The following WDR82 variants were observed in gnomAD, a reference collection of about 807,000 sequenced individuals.
WDR82 encodes the protein WD repeat domain 82, also known as WD repeat-containing protein 82.
In WDR82, 8 loss-of-function variants were observed where a neutral mutation model predicts 36.1. The observed-to-expected ratio is 0.22, with a 90% CI of 0.13 to 0.40. WDR82 has a LOEUF of 0.40. Ranked by LOEUF, WDR82 falls within the 10% of genes least tolerant of loss-of-function variation. WDR82 has a pLI of 1.00. For synonymous variants in WDR82, 129 were observed against 137.8 expected, an observed-to-expected ratio of 0.94 and a Z score of 0.45; for missense variants, 185 against 400.5, an observed-to-expected ratio of 0.46 and a Z score of 4.59.
chr3:52,274,832 C>G (rs1559456766), intron 1 of WDR82, among the ~76,000 whole-genome samples: 1 of 150,946 alleles, frequency 6.6e-6, no homozygotes, highest in East Asian at 2.0e-4. Flanking sequence ...AATCCAGCAG[C>G]GAGGTTGCAG....
At chr3:52,265,281 C>G in intron 3 of WDR82, among the ~76,000 whole-genome samples, 1 of 112,318 alleles carries the variant, frequency 8.9e-6, no homozygotes, top group African/African-American at 3.5e-5. Context: ...GCCTGGGCGA[C>G]AGAGCGAGAC....
chr3:52,268,314 C>T (rs1008105194), intron 2 of WDR82: 2 of 472,148 alleles, frequency 4.2e-6, no homozygotes, highest in Non-Finnish European at 4.4e-6. Flanking sequence ...TCTCCTGTAC[C>T]GGGTGGTATC....
intron 3 of WDR82, among the ~76,000 whole-genome samples, chr3:52,264,155 T>C (rs13093555): frequency 0.036 from 5,434 of 152,006 alleles, 142 homozygotes; most frequent in Non-Finnish European, 0.049. Context: ...CCGGTGAGCC[T>C]CCATCTCAAA....
Position 52,257,278 on chromosome 3 carries a change from T to C in WDR82, c.*212A>G, listed in dbSNP as rs1187333662. 14 of 626,778 alleles carry C rather than the reference T, an allele frequency of 2.2e-5. No individual in the cohort carries two copies. The highest frequency in any genetic ancestry group is 9.2e-5 in the African/African-American group (5 of 54,150). The allele number at this position is 626,778 out of a possible 1,614,324, so 38.8% of individuals were successfully genotyped here. A position where few individuals can be genotyped will look rare whatever the true frequency, so the allele number is the denominator to read the frequency against. ...GACAGTTAGAAAAGCTGAGTTCCAATTGAGTCTGTTGCACCAAGAGTCCTT... is the reference window on the plus strand; with the variant it reads ...GACAGTTAGAAAAGCTGAGTTCCAACTGAGTCTGTTGCACCAAGAGTCCTT... On this transcript the variant is annotated 3_prime_UTR_variant, in exon 9 of 9. Coordinates refer to ENST00000296490, the MANE Select transcript of WDR82 (RefSeq NM_025222.4).
chr3:52,260,329 C>CA (rs1437509489), intron 5 of WDR82, 56 bp downstream of exon 5: 1 of 1,378,090 alleles, frequency 7.3e-7, no homozygotes, highest in Non-Finnish European at 9.7e-7. Context: ...AACTCTGTCT[C>CA]AAAAACAAAA....
chr3:52,257,195 G>T lies in WDR82; in HGVS notation c.*295C>A, dbSNP rs1700016942. The stretch of plus-strand genomic sequence containing the variant: ...GTACATTCAAATTGAAGATGCTTGA[G>T]AGCCCCACTATACCAAATCGTGAGT... On this transcript the variant is annotated 3_prime_UTR_variant, in exon 9 of 9. Transcript: ENST00000296490. 1 of 453,026 alleles carries T rather than the reference G, an allele frequency of 2.2e-6. No individual in the cohort carries two copies. The highest frequency in any genetic ancestry group is 3.0e-5 in the South Asian group (1 of 33,494). 28.1% of individuals were successfully genotyped at this position (453,026 alleles called of 1,614,324 possible). A position where few individuals can be genotyped will look rare whatever the true frequency, so the allele number is the denominator to read the frequency against.
At chr3:52,260,662 A>G (rs572259750) in intron 4 of WDR82, among the ~76,000 whole-genome samples, 161 bp from the exon 5 acceptor site, 117 of 152,352 alleles carry the variant, frequency 7.7e-4, no homozygotes, top group African/African-American at 2.7e-3. Flanking sequence ...GCATACAAAC[A>G]AATATCAGCC....
At chr3:52,275,485 T>C (rs1195540783) in intron 1 of WDR82, among the ~76,000 whole-genome samples, 2 of 152,226 alleles carry the variant, frequency 1.3e-5, no homozygotes, top group African/African-American at 4.8e-5. Context: ...TTACAATTAA[T>C]TGATCAGAGA....
chr3:52,277,065 A>AAAT (rs71084177), intron 1 of WDR82, among the ~76,000 whole-genome samples: 23,246 of 140,852 alleles, frequency 0.17, 2,069 homozygotes, highest in African/African-American at 0.23. Context: ...CCAAGATCTC[A>AAAT]AATAATAATA....
At chr3:52,258,192 A>G (rs866484793) in intron 8 of WDR82, among the ~76,000 whole-genome samples, 1 of 152,224 alleles carries the variant, frequency 6.6e-6, no homozygotes, top group Non-Finnish European at 1.5e-5. Context: ...TGAAACCACA[A>G]AAGGCCGGTT....
chr3:52,273,099 A>G (rs2107342231), intron 1 of WDR82, among the ~76,000 whole-genome samples: 1 of 152,290 alleles, frequency 6.6e-6, no homozygotes, highest in East Asian at 1.9e-4. Context: ...CCAGTGGAAG[A>G]AGTTTATATC....
chr3:52,269,700 A>C (rs988399182), intron 2 of WDR82, among the ~76,000 whole-genome samples: 15 of 152,224 alleles, frequency 9.9e-5, no homozygotes, highest in Non-Finnish European at 2.2e-4. Flanking sequence ...ACTGCACTCC[A>C]GCCTAGGCAA....
intron 4 of WDR82, among the ~76,000 whole-genome samples, chr3:52,260,728 CAG>C (rs1354442401): frequency 6.6e-6 from 1 of 152,204 alleles, no homozygotes; most frequent in African/African-American, 2.4e-5. Context: ...TTTTAAAAAA[CAG>C]GTCTCCAGAC....
intron 1 of WDR82, 193 bp downstream of exon 1, chr3:52,278,008 C>A (rs1013490121): frequency 2.2e-6 from 1 of 449,192 alleles, no homozygotes; most frequent in South Asian, 4.5e-5. Flanking sequence ...TTATGACTAT[C>A]GTTATCTTTT....
intron 1 of WDR82, among the ~76,000 whole-genome samples, chr3:52,275,343 G>C (rs1276239159): frequency 1.3e-5 from 2 of 152,156 alleles, no homozygotes; most frequent in African/African-American, 2.4e-5. Context: ...GCCTAGAATG[G>C]AAACTAAAGA....
chr3:52,265,884 G>C (rs1700102133), intron 3 of WDR82, among the ~76,000 whole-genome samples: 1 of 152,190 alleles, frequency 6.6e-6, no homozygotes, highest in South Asian at 2.1e-4. Context: ...GCCTGGAAGT[G>C]CAATTTCTAA....
At chr3:52,259,651 T>G in intron 6 of WDR82, 66 bp downstream of exon 6, 1 of 1,542,530 alleles carries the variant, frequency 6.5e-7, no homozygotes, top group South Asian at 1.2e-5. Context: ...ACCAACCAGC[T>G]AACATAATTC....
chr3:52,263,122 C>G (rs548229528), intron 3 of WDR82, among the ~76,000 whole-genome samples: 1 of 152,124 alleles, frequency 6.6e-6, no homozygotes, highest in Non-Finnish European at 1.5e-5. Context: ...AGCAAGGCAC[C>G]GTCTCAAAAA....
intron 2 of WDR82, among the ~76,000 whole-genome samples, chr3:52,268,843 T>C (rs767900017): frequency 3.4e-4 from 52 of 152,168 alleles, no homozygotes; most frequent in Admixed American, 2.6e-4. Flanking sequence ...TTTTGTTTTT[T>C]TGAGATGGAG....
Sources: gnomAD v4.1 joint callset for allele counts (sites outside exome capture counted in the v4.1 genomes callset) on GRCh38, gnomAD v4.1.1 for gene constraint, MANE v1.5 for transcripts, NCBI Gene and HGNC (gene_info 2026-07-23, HGNC 2026-07-21) for gene names.